The following ASTN2 variants were observed in gnomAD, a reference collection of about 807,000 sequenced individuals.
ASTN2 encodes the protein astrotactin 2, also known as astrotactin-2.
In ASTN2, 54 loss-of-function variants were observed where a neutral mutation model predicts 139.8. The ratio of observed to expected loss-of-function variants is 0.39; its 90% CI spans 0.31 to 0.48. The LOEUF (loss-of-function observed/expected upper bound fraction) is 0.48. Among genes scored for constraint, ASTN2 ranks in the 20% least tolerant of loss-of-function variants. The pLI, the probability that ASTN2 is intolerant of heterozygous loss-of-function variation, is 0.95. For missense variants in ASTN2, 1,565 were observed against 1,725.1 expected (o/e 0.91, Z 1.64); for synonymous variants, 756 against 719.5 (o/e 1.05, Z -0.81).
intron 19 of ASTN2, among the ~76,000 whole-genome samples, chr9:116,598,876 G>A (rs754323571): frequency 7.2e-5 from 11 of 152,172 alleles, no homozygotes; most frequent in South Asian, 2.1e-4. Flanking sequence ...ACACATGAAC[G>A]TTTAAAAATG....
rs887865769 is a variant in ASTN2, at chr9:117,276,757, C to A, written c.630+14569G>T. 2.6e-5 allele frequency among the ~76,000 whole-genome samples: 4 copies of A among 152,122 alleles called. No homozygotes were observed. In the East Asian group the frequency reaches 5.8e-4, roughly 22 times the overall value. On this transcript the variant is annotated intron_variant, in intron 2 of 22. Coordinates refer to ENST00000313400, the MANE Select transcript of ASTN2 (RefSeq NM_001365068.1). ...TAAGGCTGCCATGGGAAAGCAAGAG[C>A]TTTGCTGCCAACAGAGCAAACACAG...
chr9:116,604,793 C>T (rs987890258), intron 19 of ASTN2, among the ~76,000 whole-genome samples: 4 of 152,142 alleles, frequency 2.6e-5, no homozygotes, highest in Admixed American at 6.5e-5. Context: ...AATTTTCAGT[C>T]TAAGGTCTGA....
intron 19 of ASTN2, among the ~76,000 whole-genome samples, chr9:116,538,966 G>A (rs1851762380): frequency 6.6e-6 from 1 of 152,120 alleles, no homozygotes; most frequent in Non-Finnish European, 1.5e-5. Context: ...AAACTTGAAA[G>A]AAAACACCAG....
chr9:116,603,265 G>A (rs371309001), intron 19 of ASTN2, among the ~76,000 whole-genome samples: 3 of 152,190 alleles, frequency 2.0e-5, no homozygotes, highest in African/African-American at 4.8e-5. Context: ...TACCAAGCAA[G>A]AGAAAGTCCT....
At chr9:117,269,990 C>G (rs1834026304) in intron 2 of ASTN2, among the ~76,000 whole-genome samples, 1 of 152,100 alleles carries the variant, frequency 6.6e-6, no homozygotes, top group Non-Finnish European at 1.5e-5. Flanking sequence ...GAAAAGAAAG[C>G]CGTGGCTCAA....
rs1234072125 is a variant in ASTN2, at chr9:117,134,293, TATACACACACAC to T, written c.1168+7021_1168+7032del. 5.0e-3 allele frequency among the ~76,000 whole-genome samples: 270 copies of T among 53,864 alleles called. 1 individual carries two copies. Among genetic ancestry groups the T allele is most frequent in the East Asian group, 0.019 (49 of 2,648 alleles). 35.3% of individuals were successfully genotyped at this position (53,864 alleles called of 152,430 possible). A position where few individuals can be genotyped will look rare whatever the true frequency, so the allele number is the denominator to read the frequency against. ...ATATATATATATATATATATATATATATACACACACACACACACACACACACACACACACACA... is the reference window on the plus strand; with the variant it reads ...ATATATATATATATATATATATATATACACACACACACACACACACACACA... On this transcript the variant is annotated intron_variant, in intron 4 of 22. Coordinates refer to ENST00000313400, the MANE Select transcript of ASTN2 (RefSeq NM_001365068.1).
chr9:116,713,009 G>A (rs1379960803), intron 16 of ASTN2, among the ~76,000 whole-genome samples: 1 of 152,112 alleles, frequency 6.6e-6, no homozygotes, highest in Non-Finnish European at 1.5e-5. Flanking sequence ...TAGCAGCCAT[G>A]TGACCTTTGG....
At chr9:117,354,042 G>T (rs1038688211) in intron 1 of ASTN2, among the ~76,000 whole-genome samples, 1 of 152,034 alleles carries the variant, frequency 6.6e-6, no homozygotes, top group Non-Finnish European at 1.5e-5. Context: ...ATGGACTTTG[G>T]GTGACAATGA....
intron 2 of ASTN2, among the ~76,000 whole-genome samples, chr9:117,228,894 A>G (rs1035690592): frequency 5.9e-5 from 9 of 152,044 alleles, no homozygotes; most frequent in Non-Finnish European, 1.3e-4. Context: ...ACGTGCCTAT[A>G]TTAGGGGGGC....
At chr9:117,118,206 T>G (rs552032073) in intron 4 of ASTN2, among the ~76,000 whole-genome samples, 2 of 152,280 alleles carry the variant, frequency 1.3e-5, no homozygotes, top group African/African-American at 4.8e-5. Flanking sequence ...CCATATGGTT[T>G]GGAAAGCTAC....
intron 1 of ASTN2, among the ~76,000 whole-genome samples, chr9:117,305,055 G>A (rs1347633544): frequency 6.6e-6 from 1 of 152,168 alleles, no homozygotes; most frequent in African/African-American, 2.4e-5. Context: ...GGACCACTGT[G>A]GGGACACCTT....
At chr9:117,384,419 T>C (rs1374766739) in intron 1 of ASTN2, among the ~76,000 whole-genome samples, 3 of 151,470 alleles carry the variant, frequency 2.0e-5, no homozygotes, top group Non-Finnish European at 4.4e-5. Context: ...CAGGAGATCT[T>C]CACTCCAATG....
intron 7 of ASTN2, among the ~76,000 whole-genome samples, chr9:116,994,359 T>C (rs1293237452): frequency 2.0e-5 from 3 of 152,210 alleles, no homozygotes; most frequent in Admixed American, 6.5e-5. Context: ...TAAACACTAT[T>C]AGGTAAGGCA....
rs55954354 is a variant in ASTN2 at position 116,815,804 on chromosome 9, C to CAAAAAAA, written c.2207+4806_2207+4812dup. On this transcript the variant is annotated intron_variant, in intron 12 of 22. Transcript: ENST00000313400. The stretch of plus-strand genomic sequence containing the variant: ...TGGGCAACAGAGCGAGACTCCGTCT[C>CAAAAAAA]AAAAAAAAAAAAAAAAAAAAAAAAG... Among the ~76,000 whole-genome samples, 10 of 24,104 alleles carry CAAAAAAA rather than the reference C, an allele frequency of 4.1e-4. 1 individual carries two copies. Among genetic ancestry groups the CAAAAAAA allele is most frequent in the African/African-American group, 1.6e-3 (9 of 5,480 alleles). The allele number at this position is 24,104 out of a possible 152,430, so 15.8% of individuals were successfully genotyped here.
chr9:116,772,354 G>A (rs985809136), intron 13 of ASTN2, among the ~76,000 whole-genome samples: 19 of 152,114 alleles, frequency 1.2e-4, no homozygotes, highest in African/African-American at 4.3e-4. Flanking sequence ...CCCTGCACAC[G>A]CTCTCTTGCC....
chr9:116,755,522 G>A (rs1588267288), intron 13 of ASTN2, among the ~76,000 whole-genome samples: 1 of 152,334 alleles, frequency 6.6e-6, no homozygotes, highest in South Asian at 2.1e-4. Context: ...AAGCCAAGGA[G>A]TGAGGCCTCG....
chr9:117,069,096 A>T, intron 5 of ASTN2, among the ~76,000 whole-genome samples: 1 of 85,614 alleles, frequency 1.2e-5, no homozygotes, highest in Non-Finnish European at 2.4e-5. Flanking sequence ...TTTAATTGTG[A>T]TGTTAGGGTG....
At chr9:116,867,956 C>G (rs946822231) in intron 10 of ASTN2, among the ~76,000 whole-genome samples, 1 of 152,158 alleles carries the variant, frequency 6.6e-6, no homozygotes, top group Non-Finnish European at 1.5e-5. Context: ...ATCTCACTTG[C>G]GGAGCCCAGG....
At chr9:117,181,165 T>G (rs1397642087) in intron 3 of ASTN2, 9 of 710,208 alleles carry the variant, frequency 1.3e-5, no homozygotes, top group Non-Finnish European at 2.3e-5. Context: ...TGGGCCCCCA[T>G]GAGGAAAGGA....
Sources: allele counts gnomAD v4.1 joint callset (sites outside exome capture counted in the v4.1 genomes callset), GRCh38; gene constraint gnomAD v4.1.1; transcripts MANE v1.5; gene names NCBI Gene and HGNC (gene_info 2026-07-23, HGNC 2026-07-21).